Variants in PEX5 observed in about 807,000 individuals in gnomAD.
PEX5 encodes the protein PTS1 receptor.
In PEX5, 52 loss-of-function variants were observed where a neutral mutation model predicts 82.9. The observed-to-expected ratio is 0.63, with a 90% CI of 0.50 to 0.79. The LOEUF (loss-of-function observed/expected upper bound fraction) is 0.79, where lower values mean the gene tolerates loss of function less well. Among genes scored for constraint, PEX5 ranks in the 30% least tolerant of loss-of-function variants. The pLI is 0.00. For synonymous variants in PEX5, 300 were observed against 318.8 expected (o/e 0.94, Z 0.63); for missense variants, 719 against 815.2 (o/e 0.88, Z 1.44).
chr12:7,202,895 G>A (rs1214448030), intron 9 of PEX5, among the ~76,000 whole-genome samples, 191 bp downstream of exon 9: 1 of 152,148 alleles, frequency 6.6e-6, no homozygotes, highest in East Asian at 1.9e-4. Context: ...GGTGGCTCAT[G>A]CCTGTAATCT....
Position 7,190,876 on chromosome 12 carries a change from T to G in PEX5, c.148-12T>G, listed in dbSNP as rs776234484. The G allele has an allele frequency of 6.2e-7, 1 of 1,612,748 alleles. No homozygotes were observed. The highest frequency in any genetic ancestry group is 1.1e-5 in the South Asian group (1 of 91,052). ...AACTGCGTCATTGTACATCTCTGTC[T>G]TTCTCTCTTAGGCCTCCAAGCCTTT... On this transcript the variant is annotated splice_polypyrimidine_tract_variant and intron_variant, in intron 2 of 15. Transcript: ENST00000675855.
intron 3 of PEX5, 77 bp downstream of exon 3, chr12:7,191,000 T>C: frequency 7.0e-7 from 1 of 1,426,278 alleles, no homozygotes; most frequent in Non-Finnish European, 9.9e-7. Context: ...AGTTCACCCG[T>C]ATTTCAATTT....
At chr12:7,212,173 C>T (rs1013260150), downstream of PEX5, among the ~76,000 whole-genome samples, 86 of 151,966 alleles carry the variant, frequency 5.7e-4, no homozygotes, top group African/African-American at 2.0e-3. Context: ...TCATGTTGGT[C>T]AGGCTGGTCT....
intron 5 of PEX5, among the ~76,000 whole-genome samples, chr12:7,196,162 GTATT>G (rs1031715512): frequency 1.1e-4 from 15 of 142,042 alleles, no homozygotes; most frequent in East Asian, 8.0e-4. Context: ...TACATATAAT[GTATT>G]TATTACATTA....
At chr12:7,203,908 G>GGACA (rs1944452409) in intron 10 of PEX5, among the ~76,000 whole-genome samples, 1 of 152,142 alleles carries the variant, frequency 6.6e-6, no homozygotes, top group South Asian at 2.1e-4. Context: ...GAGTGTTAGT[G>GGACA]GACAGACTAT....
chr12:7,193,525 C>T (rs776433662), intron 5 of PEX5, among the ~76,000 whole-genome samples: 27 of 152,222 alleles, frequency 1.8e-4, no homozygotes, highest in African/African-American at 5.5e-4. Context: ...CCACCGCACG[C>T]GCCCTCACGT....
upstream of PEX5, chr12:7,188,804 A>T (rs1465785622): frequency 1.3e-5 from 2 of 152,380 alleles, no homozygotes; most frequent in Non-Finnish European, 2.9e-5. Context: ...CTTGGTCTTG[A>T]AGCTGGGTGA....
chr12:7,190,173 G>T, intron 1 of PEX5, 189 bp from the exon 2 acceptor site: 1 of 1,501,490 alleles, frequency 6.7e-7, no homozygotes, highest in Non-Finnish European at 8.8e-7. Context: ...CTTTGAGGGG[G>T]GCGGCAGGAG....
Position 7,209,257 on chromosome 12 carries a change from T to C in PEX5, c.1560+87T>C. ...TTGGGAAGCTGGGTTTGATGGTGCATGCCTGTAGTCCCAGCTACTTGGGAG... is the reference window on the plus strand; with the variant it reads ...TTGGGAAGCTGGGTTTGATGGTGCACGCCTGTAGTCCCAGCTACTTGGGAG... On this transcript the variant is annotated intron_variant, in intron 14 of 15. Transcript: ENST00000675855. 3.0e-6 allele frequency: 4 copies of C among 1,331,972 alleles called. No individual in the cohort carries two copies. In the South Asian group the frequency reaches 4.8e-5, roughly 16 times the overall value. The allele number at this position is 1,331,972 out of a possible 1,614,324, so 82.5% of individuals were successfully genotyped here.
At chr12:7,202,422 G>C (rs751028088) in intron 8 of PEX5, 71 bp downstream of exon 8, 1 of 1,579,722 alleles carries the variant, frequency 6.3e-7, no homozygotes, top group Admixed American at 1.7e-5. Context: ...TCAGTGGTCA[G>C]TGGTCCCAGA....
chr12:7,191,095 T>A, intron 3 of PEX5, 131 bp from the exon 4 acceptor site: 1 of 1,197,916 alleles, frequency 8.3e-7, no homozygotes, highest in Non-Finnish European at 1.2e-6. Flanking sequence ...AGACAGTTTC[T>A]CTTTATGTGT....
At chr12:7,204,982 A>G (rs911149387) in intron 10 of PEX5, among the ~76,000 whole-genome samples, 1 of 152,208 alleles carries the variant, frequency 6.6e-6, no homozygotes, top group African/African-American at 2.4e-5. Flanking sequence ...TGTGCAAAAG[A>G]GTGAAACTGA....
intron 5 of PEX5, 87 bp from the exon 6 acceptor site, chr12:7,198,924 T>A (rs1230419172): frequency 1.4e-6 from 1 of 721,588 alleles, no homozygotes; most frequent in Non-Finnish European, 2.5e-6. Flanking sequence ...GCTAAGAGGG[T>A]CAGTTGAATA....
chr12:7,191,801 C>A, intron 5 of PEX5, 101 bp downstream of exon 5: 1 of 1,131,840 alleles, frequency 8.8e-7, no homozygotes, highest in South Asian at 1.2e-5. Context: ...TTTCTGGTCT[C>A]ATGACTCATT....
downstream of PEX5, among the ~76,000 whole-genome samples, chr12:7,214,365 T>C (rs12228601): frequency 0.41 from 62,781 of 151,520 alleles, 14,819 homozygotes; most frequent in Admixed American, 0.6. Flanking sequence ...GTGGCACATA[T>C]ACACCATGGA....
chr12:7,212,129 C>T (rs1391582980), downstream of PEX5, among the ~76,000 whole-genome samples: 1 of 151,840 alleles, frequency 6.6e-6, no homozygotes, highest in African/African-American at 2.4e-5. Context: ...CCACGCCCAG[C>T]TAATTTTGTA....
chr12:7,201,148 C>CACAT (rs398070019), intron 6 of PEX5, among the ~76,000 whole-genome samples: 1 of 49,520 alleles, frequency 2.0e-5, no homozygotes, highest in Non-Finnish European at 6.0e-5. Flanking sequence ...CACACACACA[C>CACAT]GCACACACAT....
At chr12:7,202,405 C>T in intron 8 of PEX5, 54 bp downstream of exon 8, 1 of 1,605,560 alleles carries the variant, frequency 6.2e-7, no homozygotes, top group Non-Finnish European at 8.5e-7. Context: ...TGCCCCAGGC[C>T]ATGGGTTCAG....
chr12:7,196,036 T>TATATTAC (rs1555174652), intron 5 of PEX5, among the ~76,000 whole-genome samples: 23 of 142,302 alleles, frequency 1.6e-4, no homozygotes, highest in African/African-American at 5.9e-4. Flanking sequence ...TTATATATTA[T>TATATTAC]ATATATTATA....
Sources: gnomAD v4.1 joint callset for allele counts (sites outside exome capture counted in the v4.1 genomes callset) on GRCh38, gnomAD v4.1.1 for gene constraint, MANE v1.5 for transcripts, NCBI Gene and HGNC (gene_info 2026-07-23, HGNC 2026-07-21) for gene names.